ADAMTS16: variants seen among roughly 807,000 people sequenced by gnomAD.
ADAMTS16 encodes ADAM metallopeptidase with thrombospondin type 1 motif 16, also known as A disintegrin and metalloproteinase with thrombospondin motifs 16.
Under a neutral mutation model 145.8 loss-of-function variants are expected in ADAMTS16, and 94 were observed. The ratio of observed to expected loss-of-function variants is 0.64; its 90% CI spans 0.55 to 0.77. The LOEUF is 0.77. ADAMTS16 is among the 30% of genes least tolerant of loss of function. The pLI is 0.00. For missense variants in ADAMTS16, 1,585 were observed against 1,591.5 expected, an observed-to-expected ratio of 1.00 and a Z score of 0.07; for synonymous variants, 659 against 604.3, an observed-to-expected ratio of 1.09 and a Z score of -1.33.
intron 10 of ADAMTS16, 45 bp from the exon 11 acceptor site, chr5:5,222,744 G>T: frequency 1.4e-6 from 2 of 1,453,284 alleles, no homozygotes; most frequent in South Asian, 2.3e-5. Context: ...TAGATGAATT[G>T]ACAATATGAT....
intron 4 of ADAMTS16, among the ~76,000 whole-genome samples, chr5:5,184,217 C>T (rs540700344): frequency 6.6e-6 from 1 of 152,142 alleles, no homozygotes; most frequent in South Asian, 2.1e-4. Flanking sequence ...GGATGCACTG[C>T]ACCCCCAGGG....
chr5:5,239,257 A>C lies in ADAMTS16; in HGVS notation c.2261A>C (p.Lys754Thr). ...ACTIHRGLYT[K>T]HHHTNQYYHM... is the part of the protein sequence containing the mutation. Reference sequence around the variant, plus strand: ...ACGATTCACAGGGGTCTCTACACCAAGCACCACCACACCAACCGTGAGTAC... The same window carrying C: ...ACGATTCACAGGGGTCTCTACACCACGCACCACCACACCAACCGTGAGTAC... Residue 754 changes from lysine (K) to threonine (T), a missense_variant, in exon 15 of 23, where the codon AAG becomes ACG. Coordinates refer to ENST00000274181, the MANE Select transcript of ADAMTS16 (RefSeq NM_139056.4). The C allele has an allele frequency of 6.3e-7, 1 of 1,585,814 alleles. No individual in the cohort carries two copies. Among genetic ancestry groups the C allele is most frequent in the Non-Finnish European group, 8.6e-7 (1 of 1,168,846 alleles).
chr5:5,295,470 A>G (rs1321609624), intron 18 of ADAMTS16, among the ~76,000 whole-genome samples: 2 of 152,244 alleles, frequency 1.3e-5, no homozygotes, highest in Non-Finnish European at 2.9e-5. Flanking sequence ...GGACAGATTC[A>G]GCCCATTCCC....
At chr5:5,306,227 T>C (rs1260891831) in intron 20 of ADAMTS16, among the ~76,000 whole-genome samples, 1 of 152,212 alleles carries the variant, frequency 6.6e-6, no homozygotes, top group Non-Finnish European at 1.5e-5. Flanking sequence ...ACATTTTAAT[T>C]TTCCAGTGAA....
chr5:5,190,238 G>A, intron 7 of ADAMTS16, 108 bp downstream of exon 7: 1 of 1,236,890 alleles, frequency 8.1e-7, no homozygotes, highest in South Asian at 1.9e-5. Flanking sequence ...AGCAGTAGCA[G>A]CTTCTTAGTG....
chr5:5,312,100 A>G (rs1315680863), intron 21 of ADAMTS16, among the ~76,000 whole-genome samples: 1 of 152,110 alleles, frequency 6.6e-6, no homozygotes, highest in African/African-American at 2.4e-5. Context: ...GTTTGGTCCC[A>G]GTCCCTGAGC....
chr5:5,143,243 A>C (rs571888638), intron 2 of ADAMTS16, among the ~76,000 whole-genome samples: 2 of 152,244 alleles, frequency 1.3e-5, no homozygotes, highest in Non-Finnish European at 2.9e-5. Context: ...ACAATGGGCT[A>C]ATATCCAGAA....
chr5:5,211,390 A>G lies in ADAMTS16; in HGVS notation c.1605+2144A>G, dbSNP rs1033765992. Among the ~76,000 whole-genome samples, 17 of 152,342 alleles carry G rather than the reference A, an allele frequency of 1.1e-4. 1 individual carries two copies. The highest frequency in any genetic ancestry group is 3.8e-4 in the African/African-American group (16 of 41,604). ...AATTCCTTTAATTACTGTAAGATCTATAATGATATATCCCCTTTCATTCCT... is the reference window on the plus strand; with the variant it reads ...AATTCCTTTAATTACTGTAAGATCTGTAATGATATATCCCCTTTCATTCCT... On this transcript the variant is annotated intron_variant, in intron 10 of 22. Coordinates refer to ENST00000274181, the MANE Select transcript of ADAMTS16 (RefSeq NM_139056.4).
chr5:5,210,387 G>A (rs1736242766), intron 10 of ADAMTS16, among the ~76,000 whole-genome samples: 1 of 152,146 alleles, frequency 6.6e-6, no homozygotes, highest in Non-Finnish European at 1.5e-5. Context: ...GATGCAAGGT[G>A]CATTTTTATT....
chr5:5,289,885 C>T (rs188284493), intron 18 of ADAMTS16, among the ~76,000 whole-genome samples: 20 of 152,294 alleles, frequency 1.3e-4, no homozygotes, highest in African/African-American at 3.8e-4. Context: ...CATCCTCCAG[C>T]AAAATGAGTG....
At chr5:5,255,543 G>T (rs1283022653) in intron 17 of ADAMTS16, among the ~76,000 whole-genome samples, 5 of 152,224 alleles carry the variant, frequency 3.3e-5, no homozygotes, top group Non-Finnish European at 2.9e-5. Flanking sequence ...GATGGCCACA[G>T]ACCTTTGCAT....
rs1478181751 is a variant in ADAMTS16, at chr5:5,146,452, C to T, written c.498C>T (p.Gly166=). 3 of 1,605,614 alleles carry T rather than the reference C, an allele frequency of 1.9e-6. No individual in the cohort carries two copies. The highest frequency in any genetic ancestry group is 2.5e-6 in the Non-Finnish European group (3 of 1,178,862). Residue 166 remains glycine (G), a synonymous_variant, in exon 3 of 23, where the codon GGC becomes GGT. Transcript: ENST00000274181. ...CAGTGGCCCTTTCAACCTGCCAAGG[C>T]TTGGTGAGTACAGCGCAAGCCCCAG... ...NSSVALSTCQ[G]LSGMIRTEEA...
chr5:5,199,237 A>C (rs1346460), intron 8 of ADAMTS16, among the ~76,000 whole-genome samples: 107,942 of 152,040 alleles, frequency 0.71, 38,794 homozygotes, highest in East Asian at 0.82. Context: ...TGATTCTCAC[A>C]GGTGCACGGC....
intron 3 of ADAMTS16, among the ~76,000 whole-genome samples, chr5:5,151,218 A>T (rs1432836899): frequency 8.7e-5 from 5 of 57,690 alleles, no homozygotes; most frequent in Admixed American, 2.6e-4. Context: ...CTTTTCTCTT[A>T]TTTATTTATT....
chr5:5,269,040 A>G lies in ADAMTS16; in HGVS notation c.2789+6257A>G, dbSNP rs1738365567. Among the ~76,000 whole-genome samples the G allele has an allele frequency of 6.6e-6, 1 of 151,586 alleles. No individual in the cohort carries two copies. The highest frequency in any genetic ancestry group is 6.6e-5 in the Admixed American group (1 of 15,232). On this transcript the variant is annotated intron_variant, in intron 18 of 22. Transcript: ENST00000274181. This position sits in a 1 kb window ranked among gnomAD's most constrained non-coding sequence, Gnocchi z 4.3. ...TCAGCCACATTCTGAGCTCATACAC[A>G]CCTCACCTGTGACCTCTCGGTCCTT... is the stretch of plus-strand genomic sequence containing the variant.
chr5:5,310,389 C>T lies in ADAMTS16; in HGVS notation c.3411+3661C>T, dbSNP rs1188976323. The stretch of plus-strand genomic sequence containing the variant: ...ACTGTGTCTCATTGGCAGCGTCCTG[C>T]GCTGAGTAATGTCTCCAAAACTCAT... On this transcript the variant is annotated intron_variant, in intron 21 of 22. Coordinates refer to ENST00000274181, the MANE Select transcript of ADAMTS16 (RefSeq NM_139056.4). The surrounding 1 kb of genome is among the most constrained non-coding windows in gnomAD (Gnocchi z 4.3). Among the ~76,000 whole-genome samples, 2 of 152,174 alleles carry T rather than the reference C, an allele frequency of 1.3e-5. No individual in the cohort carries two copies. Among genetic ancestry groups the T allele is most frequent in the Non-Finnish European group, 2.9e-5 (2 of 68,040 alleles).
intron 8 of ADAMTS16, among the ~76,000 whole-genome samples, chr5:5,197,175 C>T (rs1204811022): frequency 6.6e-6 from 1 of 152,228 alleles, no homozygotes; most frequent in Non-Finnish European, 1.5e-5. Context: ...ATGTCCTTAA[C>T]CACTACTGTC....
intron 13 of ADAMTS16, 114 bp downstream of exon 13, chr5:5,235,300 G>T (rs1737072563): frequency 8.7e-7 from 1 of 1,144,816 alleles, no homozygotes; most frequent in Non-Finnish European, 1.1e-6. Context: ...GCTCTGGGAG[G>T]TGAGGGTCGC....
chr5:5,208,181 T>A (rs1736180231), intron 9 of ADAMTS16, among the ~76,000 whole-genome samples: 2 of 152,120 alleles, frequency 1.3e-5, no homozygotes, highest in South Asian at 4.1e-4. Context: ...AGTCCTGAGC[T>A]CTGAAGCAGT....
Sources: gnomAD v4.1 joint callset for allele counts (sites outside exome capture counted in the v4.1 genomes callset) on GRCh38, gnomAD v4.1.1 for gene constraint, Gnocchi (gnomAD v3.1) non-coding constraint, MANE v1.5 for transcripts, NCBI Gene and HGNC (gene_info 2026-07-23, HGNC 2026-07-21) for gene names.